The following DIP2B variants were observed in gnomAD, a reference collection of about 807,000 sequenced individuals.
DIP2B encodes the protein disco-interacting protein 2 homolog B.
A neutral mutation model predicts 198.0 loss-of-function variants in DIP2B; 76 were observed. The observed-to-expected ratio is 0.38, with a 90% CI of 0.32 to 0.46. The LOEUF (loss-of-function observed/expected upper bound fraction) is 0.46. Ranked by LOEUF, DIP2B falls within the 20% of genes least tolerant of loss-of-function variation. DIP2B has a pLI of 0.99. For missense variants in DIP2B, 1,559 were observed against 1,978.4 expected (o/e 0.79, Z 4.02); for synonymous variants, 701 against 739.1 (o/e 0.95, Z 0.84).
chr12:50,551,384 C>T (rs759320983), intron 1 of DIP2B, among the ~76,000 whole-genome samples: 3 of 152,146 alleles, frequency 2.0e-5, no homozygotes, highest in African/African-American at 7.2e-5. Flanking sequence ...GATCAAGCCA[C>T]TGCACTCCAC....
At chr12:50,701,163 G>T (rs1939410381) in intron 19 of DIP2B, among the ~76,000 whole-genome samples, 1 of 152,194 alleles carries the variant, frequency 6.6e-6, no homozygotes, top group East Asian at 1.9e-4. Context: ...TAGTGTTGAA[G>T]AAAATTTAAA....
At chr12:50,576,949 C>A (rs1214422023) in intron 1 of DIP2B, among the ~76,000 whole-genome samples, 2 of 151,866 alleles carry the variant, frequency 1.3e-5, no homozygotes, top group Non-Finnish European at 2.9e-5. Context: ...GTGTAACATC[C>A]GCCTCCTAGG....
intron 1 of DIP2B, among the ~76,000 whole-genome samples, chr12:50,523,051 A>G (rs1958134330): frequency 6.6e-6 from 1 of 152,198 alleles, no homozygotes; most frequent in African/African-American, 2.4e-5. Context: ...AAGACATAAG[A>G]TCTGTATGAA....
chr12:50,661,424 C>T (rs1231488519), intron 4 of DIP2B, among the ~76,000 whole-genome samples: 6 of 152,242 alleles, frequency 3.9e-5, no homozygotes, highest in South Asian at 2.1e-4. Flanking sequence ...GTTTTCTTCT[C>T]GGTTTTGGCT....
At chr12:50,679,647 C>CA in intron 8 of DIP2B, 1 of 152,184 alleles carries the variant, frequency 6.6e-6, no homozygotes, top group South Asian at 2.1e-4. Context: ...AAAAGAAAAG[C>CA]ATTTTTTGTT....
Position 50,698,455 on chromosome 12 carries a change from G to T in DIP2B, c.2176G>T (p.Val726Leu). The part of the protein sequence containing the change: ...SALTVQDVGH[V>L]MPGGMMCIVK... ...ACTGACGGTCCAGGATGTAGGGCATGTAATGCCTGGTGGTGAGTCGCAAGG... is the reference window on the plus strand; with the variant it reads ...ACTGACGGTCCAGGATGTAGGGCATTTAATGCCTGGTGGTGAGTCGCAAGG... Residue 726 changes from valine to leucine, a missense_variant, in exon 18 of 38, where the codon GTA (valine) becomes TTA (leucine). Val to Leu is a conservative substitution (Grantham distance 32, BLOSUM62 1). Transcript: ENST00000301180. 6.2e-7 allele frequency: 1 copy of T among 1,613,328 alleles called. No individual in the cohort carries two copies. Among genetic ancestry groups the T allele is most frequent in the Middle Eastern group, 1.7e-4 (1 of 6,060 alleles).
chr12:50,699,061 G>A lies in DIP2B; in HGVS notation c.2189-5G>A, dbSNP rs377547933. ...GTCCTTTAACCTGTATTTTCTGTAC[G>A]TTAGGGATGATGTGCATTGTGAAAC... On this transcript the variant is annotated splice_region_variant and splice_polypyrimidine_tract_variant and intron_variant, in intron 18 of 37. Coordinates refer to ENST00000301180, the MANE Select transcript of DIP2B (RefSeq NM_173602.3). 3.3e-5 allele frequency: 54 copies of A among 1,613,860 alleles called. No individual in the cohort carries two copies. Among genetic ancestry groups the A allele is most frequent in the South Asian group, 1.9e-4 (17 of 91,064 alleles).
At chr12:50,618,724 A>AATG (rs914704807) in intron 1 of DIP2B, among the ~76,000 whole-genome samples, 4 of 152,212 alleles carry the variant, frequency 2.6e-5, no homozygotes, top group African/African-American at 9.7e-5. Context: ...AATTGAGAAA[A>AATG]ATGATGATAA....
At chr12:50,659,245 T>C (rs970277039) in intron 3 of DIP2B, among the ~76,000 whole-genome samples, 1 of 152,132 alleles carries the variant, frequency 6.6e-6, no homozygotes, top group Admixed American at 6.5e-5. Context: ...TGTCACATTG[T>C]CGTTAAAGTG....
intron 1 of DIP2B, among the ~76,000 whole-genome samples, chr12:50,507,241 C>G (rs138934549): frequency 8.5e-5 from 13 of 152,246 alleles, no homozygotes; most frequent in Middle Eastern, 6.8e-3. Context: ...ATATACTACA[C>G]TTCTTGTATT....
intron 4 of DIP2B, among the ~76,000 whole-genome samples, chr12:50,667,474 A>T (rs1592118347): frequency 6.6e-6 from 1 of 152,326 alleles, no homozygotes; most frequent in Non-Finnish European, 1.5e-5. Context: ...TTCCTGGGTG[A>T]CAAATTGCTT....
intron 32 of DIP2B, among the ~76,000 whole-genome samples, chr12:50,733,735 A>G (rs1940089305): frequency 6.6e-6 from 1 of 152,374 alleles, no homozygotes; most frequent in African/African-American, 2.4e-5. Context: ...AAATATAGGC[A>G]TGGACAAAGT....
At chr12:50,594,681 A>C (rs984241940) in intron 1 of DIP2B, among the ~76,000 whole-genome samples, 9 of 152,226 alleles carry the variant, frequency 5.9e-5, no homozygotes, top group Admixed American at 3.3e-4. Flanking sequence ...TGAGAGTTCA[A>C]CATTAATTGT....
intron 1 of DIP2B, among the ~76,000 whole-genome samples, chr12:50,511,801 A>G (rs1218359411): frequency 6.6e-6 from 1 of 151,440 alleles, no homozygotes; most frequent in Non-Finnish European, 1.5e-5. Context: ...TACAAAAATT[A>G]GCTCGGCGTG....
chr12:50,644,826 C>T (rs1370564146), intron 3 of DIP2B, among the ~76,000 whole-genome samples: 3 of 152,100 alleles, frequency 2.0e-5, no homozygotes, highest in Non-Finnish European at 2.9e-5. Flanking sequence ...GTGTAATTCC[C>T]TAGCTTTGTC....
chr12:50,722,237 T>TTTTG (rs1555195287), intron 26 of DIP2B, among the ~76,000 whole-genome samples: 1 of 135,934 alleles, frequency 7.4e-6, no homozygotes, highest in Non-Finnish European at 1.5e-5. Context: ...TGTGATTTTT[T>TTTTG]TTTGTTTGTT....
intron 1 of DIP2B, among the ~76,000 whole-genome samples, chr12:50,580,747 G>T (rs1161751354): frequency 1.3e-5 from 2 of 148,298 alleles, no homozygotes; most frequent in African/African-American, 4.9e-5. Context: ...TCTGGGTTGG[G>T]GGATGAAATT....
At position 50,674,619 on chromosome 12, in the gene DIP2B, T is replaced by A. The variant is rs1320683243; in HGVS notation, c.786T>A (p.Asp262Glu). Residue 262 changes from aspartate (D) to glutamate (E), a missense_variant, in exon 6 of 38, where the codon GAT (aspartate) becomes GAA (glutamate). Transcript: ENST00000301180. Reference protein sequence around the residue: ...HKGSNRSSLMDTADGVPVSSR... With the variant: ...HKGSNRSSLMETADGVPVSSR... Reference sequence around the variant, plus strand: ...GATCCAACAGGTCCAGCCTTATGGATACAGCTGATGGTAAGGAGTTGTTTT... The same window carrying A: ...GATCCAACAGGTCCAGCCTTATGGAAACAGCTGATGGTAAGGAGTTGTTTT... 6.2e-7 allele frequency: 1 copy of A among 1,614,156 alleles called. No individual in the cohort carries two copies. Among genetic ancestry groups the A allele is most frequent in the East Asian group, 2.2e-5 (1 of 44,876 alleles).
chr12:50,735,593 T>C (rs991192778), intron 34 of DIP2B, among the ~76,000 whole-genome samples: 1 of 151,976 alleles, frequency 6.6e-6, no homozygotes, highest in Non-Finnish European at 1.5e-5. Flanking sequence ...AGCCTCCGAG[T>C]AGCCGGGGTT....
Sources: gnomAD v4.1 joint callset for allele counts (sites outside exome capture counted in the v4.1 genomes callset) on GRCh38, gnomAD v4.1.1 for gene constraint, MANE v1.5 for transcripts, NCBI Gene and HGNC (gene_info 2026-07-23, HGNC 2026-07-21) for gene names.